The following GSDMD variants were observed in gnomAD, a reference collection of about 807,000 sequenced individuals.
The protein encoded by GSDMD is gasdermin-D.
GSDMD carries 46 observed loss-of-function variants against 46.7 expected under a neutral mutation model. The observed-to-expected ratio is 0.99, with a 90% CI of 0.78 to 1.26. The LOEUF is 1.26. GSDMD is among the 50% of genes most tolerant of loss of function. The pLI, the probability that GSDMD is intolerant of heterozygous loss-of-function variation, is 0.00. For missense variants in GSDMD, 649 were observed against 638.8 expected (o/e 1.02, Z -0.17); for synonymous variants, 307 against 283.1 (o/e 1.08, Z -0.85).
At position 143,562,687 on chromosome 8, in the gene GSDMD, C is replaced by T. The variant is rs980371799; in HGVS notation, c.1238C>T (p.Ala413Val). ...ELVGSLLEQS[A>V]PWQERSTMSL... ...GTGGGCAGCCTCTTGGAGCAGAGTG[C>T]CCCGTGGCAGGAGCGCAGCACCATG... Residue 413 changes from alanine to valine, a missense_variant, in exon 11 of 11, where the codon GCC becomes GTC. By Grantham distance (64) the Ala-to-Val change is moderately conservative. Coordinates refer to ENST00000262580, the MANE Select transcript of GSDMD (RefSeq NM_024736.7). 10 of 1,604,910 alleles carry T rather than the reference C, an allele frequency of 6.2e-6. No homozygotes were observed. Among genetic ancestry groups the T allele is most frequent in the Non-Finnish European group, 6.0e-6 (7 of 1,176,384 alleles).
chr8:143,557,879 A>G, upstream of GSDMD: 1 of 430,046 alleles, frequency 2.3e-6, no homozygotes, highest in Non-Finnish European at 4.6e-6. Context: ...CCTTCGGCAC[A>G]GGCCCAAAGT....
intron 1 of GSDMD, 98 bp downstream of exon 1, chr8:143,558,549 G>T: frequency 8.2e-7 from 1 of 1,216,672 alleles, no homozygotes; most frequent in East Asian, 3.1e-5. Context: ...TGCTGCCCCA[G>T]CGTTCGCCCA....
At chr8:143,555,003 C>T (rs1563901317), upstream of GSDMD, 1 of 152,274 alleles carries the variant, frequency 6.6e-6, no homozygotes, top group Non-Finnish European at 1.5e-5. Flanking sequence ...CACAGCAGTT[C>T]TGGGTTTCTG....
chr8:143,561,900 C>T, intron 7 of GSDMD, 59 bp from the exon 8 acceptor site: 1 of 1,607,728 alleles, frequency 6.2e-7, no homozygotes, highest in Non-Finnish European at 8.5e-7. Flanking sequence ...CCTGTCCTGA[C>T]CGAGGCTTTC....
At chr8:143,562,152 G>A (rs776425720) in intron 8 of GSDMD, 21 bp downstream of exon 8, 17 of 1,597,222 alleles carry the variant, frequency 1.1e-5, no homozygotes, top group Middle Eastern at 3.4e-4. Context: ...GAGGGTGCCC[G>A]GGGCACACAA....
At position 143,560,790 on chromosome 8, in the gene GSDMD, G is replaced by A. The variant is rs1376039668; in HGVS notation, c.579+19G>A. 2 of 1,503,872 alleles carry A rather than the reference G, an allele frequency of 1.3e-6. No homozygotes were observed. Among genetic ancestry groups the A allele is most frequent in the African/African-American group, 1.4e-5 (1 of 71,004 alleles). The allele number at this position is 1,503,872 out of a possible 1,614,324, so 93.2% of individuals were successfully genotyped here. A position where few individuals can be genotyped will look rare whatever the true frequency, so the allele number is the denominator to read the frequency against. ...CTTGCAGGTGTGTAGCCAGCCCCGG[G>A]CCACGCCTGGCCCCCCACGTGGGCA... On this transcript the variant is annotated intron_variant, in intron 4 of 10. Transcript: ENST00000262580.
At chr8:143,556,277 G>A (rs1481871890), upstream of GSDMD, among the ~76,000 whole-genome samples, 1 of 152,226 alleles carries the variant, frequency 6.6e-6, no homozygotes, top group Non-Finnish European at 1.5e-5. Context: ...CTACTCGGGA[G>A]GCTGAGGCAG....
chr8:143,561,852 G>C, intron 7 of GSDMD, 24 bp downstream of exon 7: 1 of 1,610,430 alleles, frequency 6.2e-7, no homozygotes, highest in Non-Finnish European at 8.5e-7. Flanking sequence ...TGACCGCCCC[G>C]GGGACCTTTG....
Position 143,559,981 on chromosome 8 carries a change from G to GAGGGCAGGGCAGGGCAGGGCTGGGC in GSDMD, c.410+32_410+33insTGGGCAGGGCAGGGCAGGGCAGGGC. On this transcript the variant is annotated intron_variant, in intron 3 of 10. Coordinates refer to ENST00000262580, the MANE Select transcript of GSDMD (RefSeq NM_024736.7). ...CTGCTCCATGAGAGGTGGGCCCGAA[G>GAGGGCAGGGCAGGGCAGGGCTGGGC]AGGGCAGGGCAGGGCAGGGCCCCAC... The GAGGGCAGGGCAGGGCAGGGCTGGGC allele has an allele frequency of 6.3e-7, 1 of 1,588,500 alleles. No individual in the cohort carries two copies. The highest frequency in any genetic ancestry group is 8.6e-7 in the Non-Finnish European group (1 of 1,161,170).
At chr8:143,561,493 T>A in intron 6 of GSDMD, 70 bp downstream of exon 6, 1 of 1,459,940 alleles carries the variant, frequency 6.8e-7, no homozygotes, top group Non-Finnish European at 9.4e-7. Context: ...GTTGAGGCCT[T>A]CTCCTCATGT....
intron 4 of GSDMD, 103 bp downstream of exon 4, chr8:143,560,874 T>C: frequency 7.0e-7 from 1 of 1,436,656 alleles, no homozygotes; most frequent in Non-Finnish European, 9.3e-7. Flanking sequence ...TCGGAGCAGC[T>C]CCCAGCCCTG....
upstream of GSDMD, among the ~76,000 whole-genome samples, chr8:143,557,296 G>A (rs62523576): frequency 0.62 from 67,927 of 108,778 alleles, 21,587 homozygotes; most frequent in East Asian, 0.78. Context: ...CCGCTATGGC[G>A]AAGGATGCTG....
intron 2 of GSDMD, 44 bp downstream of exon 2, chr8:143,559,596 G>A (rs1823400449): frequency 6.4e-7 from 1 of 1,569,308 alleles, no homozygotes; most frequent in South Asian, 1.1e-5. Flanking sequence ...GAGGCTGGAT[G>A]GGAGAGGGGA....
At chr8:143,558,994 A>C in intron 1 of GSDMD, 1 of 398,512 alleles carries the variant, frequency 2.5e-6, no homozygotes, top group East Asian at 4.2e-5. Flanking sequence ...TCCCTGCACC[A>C]CGCTCAGGAG....
At position 143,562,307 on chromosome 8, in the gene GSDMD, G is replaced by A. The variant is rs373406712; in HGVS notation, c.1095G>A (p.Pro365=). 2.4e-4 allele frequency: 376 copies of A among 1,544,546 alleles called. 1 individual carries two copies. The highest frequency in any genetic ancestry group is 1.0e-3 in the Middle Eastern group (6 of 5,910). The change falls in exon 9 of 11, where the codon CCG becomes CCA. Residue 365 remains proline (P), a synonymous_variant. Coordinates refer to ENST00000262580, the MANE Select transcript of GSDMD (RefSeq NM_024736.7). ...CLVLSSGMLV[P]ELAIPVVYLL... ...TGTTGTCCTCCGGAATGCTGGTGCC[G>A]GAACTCGCTATCCCTGTTGTCTACC...
intron 5 of GSDMD, 56 bp downstream of exon 5, chr8:143,561,160 C>T (rs879713196): frequency 4.6e-6 from 7 of 1,518,974 alleles, no homozygotes; most frequent in Admixed American, 1.8e-5. Flanking sequence ...AACAGGGAGG[C>T]CTGGGGAGAG....
Position 143,562,833 on chromosome 8 carries a change from GC to G in GSDMD, c.1387del (p.Gln463ArgfsTer17), listed in dbSNP as rs1386413911. On this transcript the variant is annotated frameshift_variant, in exon 11 of 11. Coordinates refer to ENST00000262580, the MANE Select transcript of GSDMD (RefSeq NM_024736.7). LOFTEE classifies it low-confidence loss of function (END_TRUNC). ...TCCCCACGTGTGCTGGGAGCCGCAG[GC>G]CCAGGGCCGCATGTGTGCACTCTAC... The part of the protein sequence containing the change: ...DTPHVCWEPQ[A>X]QGRMCALYAS... The G allele has an allele frequency of 6.2e-7, 1 of 1,611,038 alleles. No individual in the cohort carries two copies. The highest frequency in any genetic ancestry group is 8.5e-7 in the Non-Finnish European group (1 of 1,179,312).
At chr8:143,557,420 G>GCGAAGGATGCTGCCGCTATGA (rs1823330857), upstream of GSDMD, among the ~76,000 whole-genome samples, 4 of 70,864 alleles carry the variant, frequency 5.6e-5, no homozygotes, top group Admixed American at 1.5e-4. Context: ...TGCCGCTGTG[G>GCGAAGGATGCTGCCGCTATGA]CGAAGGATGC....
At chr8:143,554,461 A>G (rs1292393782), upstream of GSDMD, among the ~76,000 whole-genome samples, 6 of 151,446 alleles carry the variant, frequency 4.0e-5, no homozygotes, top group Non-Finnish European at 7.4e-5. Context: ...GTGCATGCAC[A>G]CGCGCACATG....
Sources: gnomAD v4.1 joint callset for allele counts (sites outside exome capture counted in the v4.1 genomes callset) on GRCh38, gnomAD v4.1.1 for gene constraint, MANE v1.5 for transcripts, NCBI Gene and HGNC (gene_info 2026-07-23, HGNC 2026-07-21) for gene names.